CPNE4: variants seen among roughly 807,000 people sequenced by gnomAD.
CPNE4 encodes the protein copine-4.
Under a neutral mutation model 67.9 loss-of-function variants are expected in CPNE4, and 25 were observed. The observed-to-expected ratio is 0.37, with a 90% CI of 0.27 to 0.51. The LOEUF (loss-of-function observed/expected upper bound fraction) is 0.51, where lower values mean the gene tolerates loss of function less well. Among genes scored for constraint, CPNE4 ranks in the 20% least tolerant of loss-of-function variants. The pLI, the probability that CPNE4 is intolerant of heterozygous loss-of-function variation, is 0.93. For missense variants in CPNE4, 464 were observed against 690.8 expected, an observed-to-expected ratio of 0.67 and a Z score of 3.68; for synonymous variants, 242 against 244.9, an observed-to-expected ratio of 0.99 and a Z score of 0.11.
At chr3:131,777,027 A>G (rs1379572272) in intron 2 of CPNE4, among the ~76,000 whole-genome samples, 1 of 152,100 alleles carries the variant, frequency 6.6e-6, no homozygotes, top group Non-Finnish European at 1.5e-5. Flanking sequence ...CACATTTTCT[A>G]GCTGGAGATG....
At chr3:131,595,315 TA>T (rs1252689670) in intron 7 of CPNE4, among the ~76,000 whole-genome samples, 1 of 152,208 alleles carries the variant, frequency 6.6e-6, no homozygotes, top group African/African-American at 2.4e-5. Flanking sequence ...GGTAATAACT[TA>T]AATATTCATT....
rs531556515 is a variant in CPNE4, at chr3:131,651,473, T to C, written c.681+18202A>G. Reference sequence around the variant, plus strand: ...TTTTTCTCCTGCCTTAGAAGATCAATTGAACCTGTTTCCTCATTTAGCCTA... The same window carrying C: ...TTTTTCTCCTGCCTTAGAAGATCAACTGAACCTGTTTCCTCATTTAGCCTA... On this transcript the variant is annotated intron_variant, in intron 7 of 15. Transcript: ENST00000429747. Among the ~76,000 whole-genome samples the C allele has an allele frequency of 6.6e-5, 10 of 152,324 alleles. No homozygotes were observed. In the East Asian group the frequency reaches 1.7e-3, roughly 26 times the overall value.
intron 9 of CPNE4, among the ~76,000 whole-genome samples, chr3:131,577,946 T>C (rs997356417): frequency 4.4e-4 from 67 of 152,228 alleles, no homozygotes; most frequent in African/African-American, 1.5e-3. Flanking sequence ...GCTCCTGGAC[T>C]TACAGTGGGG....
rs1229157546 is a variant in CPNE4, at chr3:131,801,351, GTACCATATATATATAT to G, written c.181-77742_181-77727del. On this transcript the variant is annotated intron_variant, in intron 2 of 15. Coordinates refer to ENST00000429747, the MANE Select transcript of CPNE4 (RefSeq NM_130808.3). ...GGAAACCATACATATATATATATAT[GTACCATATATATATAT>G]GTACCATATATATATATATGGTACA... Among the ~76,000 whole-genome samples, 83 of 78,004 alleles carry G rather than the reference GTACCATATATATATAT, an allele frequency of 1.1e-3. 1 individual carries two copies. In the Admixed American group the frequency reaches 0.011, roughly 11 times the overall value. The allele number at this position is 78,004 out of a possible 152,430, so 51.2% of individuals were successfully genotyped here. A position where few individuals can be genotyped will look rare whatever the true frequency, so the allele number is the denominator to read the frequency against.
At chr3:131,581,429 C>T (rs1937829297) in intron 9 of CPNE4, 150 bp downstream of exon 9, 3 of 604,074 alleles carry the variant, frequency 5.0e-6, no homozygotes, top group East Asian at 2.9e-5. Context: ...TTACATTTCT[C>T]ATTTTATGTT....
chr3:131,717,858 C>CTTTCTT (rs1403658093), intron 3 of CPNE4, among the ~76,000 whole-genome samples: 1,914 of 33,644 alleles, frequency 0.057, 188 homozygotes, highest in Middle Eastern at 0.12. Flanking sequence ...TCCTCGCTCC[C>CTTTCTT]TCCTTTCTTT....
chr3:131,904,640 C>A (rs1377955508), intron 2 of CPNE4, among the ~76,000 whole-genome samples: 1 of 152,080 alleles, frequency 6.6e-6, no homozygotes, highest in Non-Finnish European at 1.5e-5. Context: ...TAGTAAGTAG[C>A]CCAGCCCAGC....
chr3:132,029,883 A>G (rs1314756598), intron 1 of CPNE4, among the ~76,000 whole-genome samples: 1 of 108,580 alleles, frequency 9.2e-6, no homozygotes, highest in African/African-American at 3.5e-5. Context: ...GTAAACACTC[A>G]TAAACTCTCT....
intron 9 of CPNE4, among the ~76,000 whole-genome samples, chr3:131,581,034 G>A (rs185242611): frequency 2.0e-5 from 3 of 152,106 alleles, no homozygotes; most frequent in Non-Finnish European, 4.4e-5. Context: ...TTAGCTGGGC[G>A]TGGTGGCGGG....
In CPNE4 at chr3:131,629,495, G is replaced by T. The variant is rs149533404; in HGVS notation, c.681+40180C>A. On this transcript the variant is annotated intron_variant, in intron 7 of 15. Coordinates refer to ENST00000429747, the MANE Select transcript of CPNE4 (RefSeq NM_130808.3). ...GTCTCACTCTGTTGCCTAGGTTGGA[G>T]TGCGGTGGGTGTGATCTTGGCTCAC... 2.3e-3 allele frequency among the ~76,000 whole-genome samples: 350 copies of T among 152,100 alleles called. 1 individual carries two copies. Among genetic ancestry groups the T allele is most frequent in the African/African-American group, 8.0e-3 (332 of 41,456 alleles).
intron 2 of CPNE4, among the ~76,000 whole-genome samples, chr3:131,740,314 T>C (rs1247534456): frequency 6.6e-6 from 1 of 152,222 alleles, no homozygotes; most frequent in African/African-American, 2.4e-5. Context: ...GGTCATCTTA[T>C]ACACTGTCAT....
chr3:131,559,496 A>G (rs915555746), intron 11 of CPNE4, among the ~76,000 whole-genome samples: 1 of 151,968 alleles, frequency 6.6e-6, no homozygotes, highest in African/African-American at 2.4e-5. Context: ...TTACACTGAA[A>G]TTTCTAGTAC....
chr3:131,985,330 T>G (rs1334359562), intron 1 of CPNE4, among the ~76,000 whole-genome samples: 1 of 152,202 alleles, frequency 6.6e-6, no homozygotes, highest in Non-Finnish European at 1.5e-5. Context: ...CCTCTCAAAC[T>G]ACTTGCACCC....
At chr3:131,884,986 G>A (rs2087822810) in intron 2 of CPNE4, among the ~76,000 whole-genome samples, 1 of 152,190 alleles carries the variant, frequency 6.6e-6, no homozygotes, top group Non-Finnish European at 1.5e-5. Context: ...CAAGAGTGGA[G>A]TGTTGCTGAA....
chr3:131,972,142 A>G (rs1268397963), intron 1 of CPNE4, among the ~76,000 whole-genome samples: 1 of 152,226 alleles, frequency 6.6e-6, no homozygotes. Context: ...AGAAAAATCA[A>G]CAAAAAGAAA....
At chr3:131,936,724 T>C (rs2071234419) in intron 1 of CPNE4, among the ~76,000 whole-genome samples, 1 of 151,870 alleles carries the variant, frequency 6.6e-6, no homozygotes, top group Admixed American at 6.6e-5. Flanking sequence ...GATGAACACA[T>C]TTTACCATTA....
At chr3:131,891,739 G>A (rs945009341) in intron 2 of CPNE4, among the ~76,000 whole-genome samples, 4 of 152,010 alleles carry the variant, frequency 2.6e-5, no homozygotes, top group Admixed American at 2.0e-4. Context: ...CCACGCTTCT[G>A]CAAAGGACAT....
chr3:131,533,999 T>G lies in CPNE4; in HGVS notation c.*1196A>C, dbSNP rs1192601452. ...TGCTTATAGAATTTGTTCTCAGAAG[T>G]GATAGAAAGGAGGCAAGAAATTCCC... is the stretch of plus-strand genomic sequence containing the variant. On this transcript the variant is annotated 3_prime_UTR_variant, in exon 16 of 16. Transcript: ENST00000429747. The G allele has an allele frequency of 1.3e-5, 2 of 152,196 alleles. No individual in the cohort carries two copies. The highest frequency in any genetic ancestry group is 4.8e-5 in the African/African-American group (2 of 41,442). The allele number at this position is 152,196 out of a possible 1,614,324, so 9.4% of individuals were successfully genotyped here. A position where few individuals can be genotyped will look rare whatever the true frequency, so the allele number is the denominator to read the frequency against.
intron 1 of CPNE4, among the ~76,000 whole-genome samples, chr3:131,984,409 A>G (rs1328323583): frequency 6.6e-6 from 1 of 152,222 alleles, no homozygotes. Flanking sequence ...AAAGAAATAC[A>G]CCATGAGATA....
Sources: gnomAD v4.1 joint callset for allele counts (sites outside exome capture counted in the v4.1 genomes callset) on GRCh38, gnomAD v4.1.1 for gene constraint, MANE v1.5 for transcripts, NCBI Gene and HGNC (gene_info 2026-07-23, HGNC 2026-07-21) for gene names.